Variants in HIP1 observed in about 807,000 individuals in gnomAD.
HIP1 encodes the protein huntingtin interacting protein 1.
In HIP1, 65 loss-of-function variants were observed where a neutral mutation model predicts 147.6. That is an observed-to-expected ratio of 0.44 (90% CI 0.36 to 0.54). HIP1 has a LOEUF of 0.54. HIP1 is among the 20% of genes least tolerant of loss of function. The probability of loss-of-function intolerance (pLI) is 0.00; values close to 1 mark genes in which losing one functional copy is unlikely to be tolerated. For synonymous variants in HIP1, 479 were observed against 504.0 expected, an observed-to-expected ratio of 0.95 and a Z score of 0.67; for missense variants, 1,061 against 1,299.6, an observed-to-expected ratio of 0.82 and a Z score of 2.82.
At chr7:75,721,824 G>A (rs1801512314) in intron 1 of HIP1, among the ~76,000 whole-genome samples, 1 of 152,230 alleles carries the variant, frequency 6.6e-6, no homozygotes, top group Non-Finnish European at 1.5e-5. Flanking sequence ...GAAGCTGTGT[G>A]CAGCCACTGT....
intron 1 of HIP1, among the ~76,000 whole-genome samples, chr7:75,679,208 TTTTTG>T (rs1410912629): frequency 6.6e-6 from 1 of 152,182 alleles, no homozygotes; most frequent in Non-Finnish European, 1.5e-5. Context: ...ATCTTGTTTG[TTTTTG>T]TTTTGTTTTG....
chr7:75,538,318 C>T, intron 30 of HIP1, 94 bp from the exon 31 acceptor site: 1 of 906,048 alleles, frequency 1.1e-6, no homozygotes, highest in Non-Finnish European at 1.9e-6. Flanking sequence ...CTCAAAAATA[C>T]ATTATAATTA....
intron 1 of HIP1, among the ~76,000 whole-genome samples, chr7:75,643,052 T>A (rs1220405876): frequency 1.2e-4 from 19 of 152,188 alleles, no homozygotes; most frequent in Admixed American, 1.2e-3. Flanking sequence ...GAGGTGGGCG[T>A]GTCTTGGTAG....
At position 75,684,102 on chromosome 7, in the gene HIP1, A is replaced by G. The variant is rs1208074463; in HGVS notation, c.120+54699T>C. On this transcript the variant is annotated intron_variant, in intron 1 of 30. Coordinates refer to ENST00000336926, the MANE Select transcript of HIP1 (RefSeq NM_005338.7). The stretch of plus-strand genomic sequence containing the variant: ...GAGACCAGCCTGAGGCCAGGAGTTC[A>G]AGACCAGCCTGAGCGACATAGTGAG... Among the ~76,000 whole-genome samples, 4 of 151,604 alleles carry G rather than the reference A, an allele frequency of 2.6e-5. No individual in the cohort carries two copies. The East Asian group carries it at 7.8e-4, about 29-fold the overall frequency.
intron 1 of HIP1, among the ~76,000 whole-genome samples, chr7:75,614,146 C>A (rs1482314290): frequency 6.6e-6 from 1 of 152,132 alleles, no homozygotes; most frequent in African/African-American, 2.4e-5. Context: ...AACTTCTGGC[C>A]TCAAGTGATC....
At position 75,713,175 on chromosome 7, in the gene HIP1, G is replaced by A. The variant is rs147640163; in HGVS notation, c.120+25626C>T. ...ATGGGGAACCTGGCCGGCAGTGGGCGCTTCCACTGGAGGCATTAGGGAAAG... is the reference window on the plus strand; with the variant it reads ...ATGGGGAACCTGGCCGGCAGTGGGCACTTCCACTGGAGGCATTAGGGAAAG... On this transcript the variant is annotated intron_variant, in intron 1 of 30. Transcript: ENST00000336926. Among the ~76,000 whole-genome samples, 228 of 152,298 alleles carry A rather than the reference G, an allele frequency of 1.5e-3. 1 individual carries two copies. The highest frequency in any genetic ancestry group is 5.3e-3 in the African/African-American group (221 of 41,578).
intron 1 of HIP1, among the ~76,000 whole-genome samples, chr7:75,641,902 C>T (rs182666197): frequency 3.3e-5 from 5 of 152,130 alleles, no homozygotes; most frequent in Admixed American, 6.6e-5. Context: ...CAACAATCCC[C>T]GCTCCCACTC....
chr7:75,640,522 C>A (rs998628136), intron 1 of HIP1, among the ~76,000 whole-genome samples: 5 of 152,176 alleles, frequency 3.3e-5, no homozygotes, highest in Admixed American at 2.0e-4. Flanking sequence ...GAGGCTGAGG[C>A]AGGCAGATTG....
intron 1 of HIP1, among the ~76,000 whole-genome samples, chr7:75,624,001 A>T (rs1797945311): frequency 6.6e-6 from 1 of 152,118 alleles, no homozygotes; most frequent in South Asian, 2.1e-4. Context: ...GGATCACTCG[A>T]GCTCTGAAGG....
At chr7:75,620,996 G>A (rs1325652551) in intron 1 of HIP1, among the ~76,000 whole-genome samples, 1 of 152,068 alleles carries the variant, frequency 6.6e-6, no homozygotes, top group African/African-American at 2.4e-5. Context: ...TTGGGAGGCC[G>A]AGGAGGCAGG....
intron 1 of HIP1, among the ~76,000 whole-genome samples, chr7:75,677,501 G>C (rs555879522): frequency 1.1e-4 from 17 of 150,560 alleles, no homozygotes; most frequent in Admixed American, 4.0e-4. Context: ...AGCTACTCAG[G>C]AGGTTGAGGC....
intron 12 of HIP1, 111 bp downstream of exon 12, chr7:75,561,962 T>C: frequency 1.4e-6 from 1 of 706,416 alleles, no homozygotes; most frequent in Non-Finnish European, 2.6e-6. Flanking sequence ...AGATGTTCTG[T>C]ATCTAAGAAG....
intron 1 of HIP1, among the ~76,000 whole-genome samples, chr7:75,702,081 C>T (rs1800849384): frequency 6.6e-6 from 1 of 151,060 alleles, no homozygotes; most frequent in Non-Finnish European, 1.5e-5. Context: ...AGGTGCCTGC[C>T]ACCATACCCA....
At position 75,622,855 on chromosome 7, in the gene HIP1, AT is replaced by A. The variant is rs1797893124; in HGVS notation, c.121-23609del. Reference sequence around the variant, plus strand: ...AAGATTGTCAAATAAATAATTATCTATCTATCTATCTATCTATCTATCTATC... The same window carrying A: ...AAGATTGTCAAATAAATAATTATCTACTATCTATCTATCTATCTATCTATC... On this transcript the variant is annotated intron_variant, in intron 1 of 30. Transcript: ENST00000336926. 1.3e-4 allele frequency among the ~76,000 whole-genome samples: 11 copies of A among 84,902 alleles called. 1 individual carries two copies. Among genetic ancestry groups the A allele is most frequent in the African/African-American group, 1.0e-3 (10 of 9,626 alleles). 55.7% of individuals were successfully genotyped at this position (84,902 alleles called of 152,430 possible).
At chr7:75,726,432 T>A (rs1391697866) in intron 1 of HIP1, among the ~76,000 whole-genome samples, 1 of 152,020 alleles carries the variant, frequency 6.6e-6, no homozygotes, top group Admixed American at 6.6e-5. Context: ...TACAGGCACA[T>A]GCCACCACAC....
chr7:75,693,638 G>T (rs1800529733), intron 1 of HIP1, among the ~76,000 whole-genome samples: 1 of 151,980 alleles, frequency 6.6e-6, no homozygotes, highest in African/African-American at 2.4e-5. Context: ...GCTTTGGGAG[G>T]CCGAGGTGGA....
At chr7:75,667,157 A>G (rs1799588873) in intron 1 of HIP1, among the ~76,000 whole-genome samples, 1 of 152,132 alleles carries the variant, frequency 6.6e-6, no homozygotes, top group Admixed American at 6.6e-5. Flanking sequence ...GTTATTTAAA[A>G]TAGCCACTGG....
intron 9 of HIP1, among the ~76,000 whole-genome samples, chr7:75,567,227 G>A (rs794356): frequency 0.37 from 55,066 of 149,812 alleles, 11,548 homozygotes; most frequent in Non-Finnish European, 0.43. Flanking sequence ...ATGCTATACA[G>A]ATGTCAAATT....
intron 22 of HIP1, among the ~76,000 whole-genome samples, chr7:75,551,946 A>G (rs1402957929): frequency 4.0e-5 from 6 of 150,738 alleles, no homozygotes; most frequent in African/African-American, 1.5e-4. Context: ...TTGGAGTGCA[A>G]AGGCACGATC....
Sources: gnomAD v4.1 joint callset for allele counts (sites outside exome capture counted in the v4.1 genomes callset) on GRCh38, gnomAD v4.1.1 for gene constraint, MANE v1.5 for transcripts, NCBI Gene and HGNC (gene_info 2026-07-23, HGNC 2026-07-21) for gene names.